The following NDEL1 variants were observed in gnomAD, a reference collection of about 807,000 sequenced individuals.
The protein encoded by NDEL1 is nuclear distribution protein nudE-like 1.
In NDEL1, 9 loss-of-function variants were observed where a neutral mutation model predicts 45.7. That is an observed-to-expected ratio of 0.20 (90% CI 0.12 to 0.34). The LOEUF (loss-of-function observed/expected upper bound fraction) is 0.34, where lower values mean the gene tolerates loss of function less well. Among genes scored for constraint, NDEL1 ranks in the 10% least tolerant of loss-of-function variants. The pLI, the probability that NDEL1 is intolerant of heterozygous loss-of-function variation, is 1.00. For synonymous variants in NDEL1, 133 were observed against 158.6 expected, an observed-to-expected ratio of 0.84 and a Z score of 1.21; for missense variants, 306 against 406.2, an observed-to-expected ratio of 0.75 and a Z score of 2.12.
intron 5 of NDEL1, among the ~76,000 whole-genome samples, chr17:8,449,202 C>T (rs190606069): frequency 1.3e-5 from 2 of 152,284 alleles, no homozygotes; most frequent in African/African-American, 2.4e-5. Context: ...AGGCTGATCT[C>T]GAACTCCTGA....
At chr17:8,429,558 G>A (rs1462875159) in intron 1 of NDEL1, among the ~76,000 whole-genome samples, 1 of 152,152 alleles carries the variant, frequency 6.6e-6, no homozygotes, top group African/African-American at 2.4e-5. Flanking sequence ...GAGAAGGTGG[G>A]TTGGCCAAGC....
downstream of NDEL1, among the ~76,000 whole-genome samples, chr17:8,472,189 G>T (rs994377614): frequency 6.6e-6 from 1 of 152,216 alleles, no homozygotes; most frequent in Admixed American, 6.5e-5. Context: ...CCCTGGGTCG[G>T]TCATACCCAG....
intron 6 of NDEL1, among the ~76,000 whole-genome samples, chr17:8,454,348 A>C (rs1024060192): frequency 2.0e-5 from 3 of 152,174 alleles, no homozygotes; most frequent in African/African-American, 7.2e-5. Flanking sequence ...TACTATGGAA[A>C]TAGAAACTAA....
intron 1 of NDEL1, among the ~76,000 whole-genome samples, chr17:8,415,640 T>G (rs570597777): frequency 6.6e-6 from 1 of 152,220 alleles, no homozygotes; most frequent in South Asian, 2.1e-4. Flanking sequence ...TTCACCATGT[T>G]GCCTAGGCTG....
intron 3 of NDEL1, among the ~76,000 whole-genome samples, chr17:8,473,376 G>A (rs898416374): frequency 2.6e-5 from 4 of 151,924 alleles, no homozygotes; most frequent in South Asian, 2.1e-4. Flanking sequence ...TAGTAGAGAC[G>A]GTGTTTCACC....
At chr17:8,459,179 GTATA>G (rs774922859) in intron 7 of NDEL1, among the ~76,000 whole-genome samples, 1 of 152,126 alleles carries the variant, frequency 6.6e-6, no homozygotes, top group Non-Finnish European at 1.5e-5. Context: ...CATGAATTGT[GTATA>G]TATATATTTT....
At chr17:8,433,735 C>T (rs988222947), upstream of NDEL1, among the ~76,000 whole-genome samples, 4 of 152,074 alleles carry the variant, frequency 2.6e-5, no homozygotes, top group African/African-American at 9.7e-5. Context: ...AGGCTGGTCT[C>T]GAACTTCTGG....
intron 8 of NDEL1, chr17:8,463,329 A>G (rs746460399): frequency 1.2e-6 from 2 of 1,612,590 alleles, no homozygotes; most frequent in Non-Finnish European, 1.7e-6. Context: ...GGCAAGAAAA[A>G]GTCATATTTC....
At chr17:8,472,925 C>T (rs1255048264), downstream of NDEL1, among the ~76,000 whole-genome samples, 1 of 152,172 alleles carries the variant, frequency 6.6e-6, no homozygotes, top group African/African-American at 2.4e-5. Flanking sequence ...AGAAGCTGAC[C>T]AGCTTGATCT....
At chr17:8,423,406 G>A (rs933151261) in intron 1 of NDEL1, among the ~76,000 whole-genome samples, 6 of 151,860 alleles carry the variant, frequency 4.0e-5, no homozygotes, top group Non-Finnish European at 8.8e-5. Context: ...AGTGTAGTCC[G>A]GGTGTGGTGG....
At position 8,450,956 on chromosome 17, in the gene NDEL1, T is replaced by G; in HGVS notation, c.700+3T>G. 1.2e-6 allele frequency: 2 copies of G among 1,601,664 alleles called. No homozygotes were observed. Among genetic ancestry groups the G allele is most frequent in the South Asian group, 2.2e-5 (2 of 89,102 alleles). ...GAACACTTTTCCTTCACCGAAAGGT[T>G]TGTAATGTCTTTTCTTTTTGAGGCG... On this transcript the variant is annotated splice_donor_region_variant and intron_variant, in intron 6 of 8. Coordinates refer to ENST00000334527, the MANE Select transcript of NDEL1 (RefSeq NM_030808.5).
downstream of NDEL1, among the ~76,000 whole-genome samples, chr17:8,470,746 C>T (rs777858435): frequency 2.0e-5 from 3 of 152,238 alleles, no homozygotes; most frequent in African/African-American, 2.4e-5. The surrounding 1 kb of genome is among the most constrained non-coding windows in gnomAD (Gnocchi z 4.2). Flanking sequence ...TTGACTCCCA[C>T]GCTCTGTCCT....
At chr17:8,460,226 T>C in intron 8 of NDEL1, 66 bp downstream of exon 8, 4 of 1,517,492 alleles carry the variant, frequency 2.6e-6, no homozygotes, top group Non-Finnish European at 3.6e-6. Context: ...TAAGTGAGCA[T>C]AATGAAGCCT....
chr17:8,436,985 G>A (rs1909393309), intron 1 of NDEL1, among the ~76,000 whole-genome samples: 1 of 152,146 alleles, frequency 6.6e-6, no homozygotes, highest in African/African-American at 2.4e-5. Flanking sequence ...AAACAAGGCA[G>A]AAAATGTGAC....
chr17:8,436,772 A>G (rs376886324), intron 1 of NDEL1: 6 of 152,242 alleles, frequency 3.9e-5, no homozygotes, highest in East Asian at 1.9e-4. Flanking sequence ...TCTTCTTCCT[A>G]TCTTTTTCTA....
chr17:8,442,732 A>T, intron 1 of NDEL1, among the ~76,000 whole-genome samples: 2 of 142,888 alleles, frequency 1.4e-5, no homozygotes, highest in Non-Finnish European at 3.0e-5. Context: ...GGCTTGTGCT[A>T]GATAAACTCC....
chr17:8,446,504 G>A (rs1322554812), intron 3 of NDEL1, among the ~76,000 whole-genome samples: 1 of 152,164 alleles, frequency 6.6e-6, no homozygotes, highest in East Asian at 1.9e-4. Flanking sequence ...TTTGAGGCAA[G>A]GATTTTTTAT....
At chr17:8,434,255 T>C (rs1909106824), upstream of NDEL1, among the ~76,000 whole-genome samples, 1 of 152,232 alleles carries the variant, frequency 6.6e-6, no homozygotes. Context: ...AGACGGAGTC[T>C]CACTCTGTCG....
At chr17:8,423,089 A>G (rs1908743376) in intron 1 of NDEL1, among the ~76,000 whole-genome samples, 1 of 152,208 alleles carries the variant, frequency 6.6e-6, no homozygotes, top group African/African-American at 2.4e-5. Flanking sequence ...GATGGATGAA[A>G]ACTAGTGTGA....
Sources: allele counts gnomAD v4.1 joint callset (sites outside exome capture counted in the v4.1 genomes callset), GRCh38; gene constraint gnomAD v4.1.1; non-coding constraint Gnocchi (gnomAD v3.1); transcripts MANE v1.5; gene names NCBI Gene and HGNC (gene_info 2026-07-23, HGNC 2026-07-21).